NTSR1: variants seen among roughly 807,000 people sequenced by gnomAD.
NTSR1 encodes the protein neurotensin receptor type 1.
NTSR1 carries 29 observed loss-of-function variants against 31.2 expected under a neutral mutation model. The observed-to-expected ratio is 0.93, with a 90% CI of 0.69 to 1.27. The LOEUF (loss-of-function observed/expected upper bound fraction) is 1.27, where lower values mean the gene tolerates loss of function less well. NTSR1 is among the 50% of genes most tolerant of loss of function. The pLI is 0.00. For missense variants in NTSR1, 697 were observed against 595.4 expected, an observed-to-expected ratio of 1.17 and a Z score of -1.78; for synonymous variants, 282 against 269.9, an observed-to-expected ratio of 1.04 and a Z score of -0.44.
chr20:62,751,349 T>C (rs1431186248), intron 1 of NTSR1, among the ~76,000 whole-genome samples: 1 of 152,266 alleles, frequency 6.6e-6, no homozygotes, highest in East Asian at 1.9e-4. Context: ...AAGATCTCTA[T>C]GAGTTAGGGT....
chr20:62,754,500 A>G (rs997987754), intron 1 of NTSR1, among the ~76,000 whole-genome samples, 185 bp from the exon 2 acceptor site: 3 of 151,984 alleles, frequency 2.0e-5, no homozygotes, highest in Non-Finnish European at 2.9e-5. Flanking sequence ...GCCAGCTTAC[A>G]ACAGCAGCCA....
chr20:62,723,695 G>A (rs1405828919), intron 1 of NTSR1, among the ~76,000 whole-genome samples: 5 of 152,200 alleles, frequency 3.3e-5, no homozygotes, highest in African/African-American at 1.2e-4. Flanking sequence ...AGTGGGGACA[G>A]AGGTCTTTCC....
chr20:62,740,920 C>T (rs2147142601), intron 1 of NTSR1, among the ~76,000 whole-genome samples: 1 of 152,354 alleles, frequency 6.6e-6, no homozygotes, highest in East Asian at 1.9e-4. Flanking sequence ...GTGATTTACT[C>T]TTGAGAAGTG....
intron 1 of NTSR1, among the ~76,000 whole-genome samples, chr20:62,736,912 G>A (rs1383444920): frequency 6.6e-6 from 1 of 152,176 alleles, no homozygotes; most frequent in Non-Finnish European, 1.5e-5. Context: ...GAGATCTGAT[G>A]GTTTTAGAAG....
At position 62,760,425 on chromosome 20, in the gene NTSR1, CCA is replaced by C; in HGVS notation, c.*159_*160del. The C allele has an allele frequency of 5.8e-6, 4 of 693,554 alleles. No homozygotes were observed. Among genetic ancestry groups the C allele is most frequent in the South Asian group, 2.0e-5 (1 of 50,040 alleles). The allele number at this position is 693,554 out of a possible 1,614,324, so 43.0% of individuals were successfully genotyped here. A position where few individuals can be genotyped will look rare whatever the true frequency, so the allele number is the denominator to read the frequency against. ...GGACCCCCCCCTCCCACCCCCTAAC[CCA>C]TGTTTCTCATTAGTGTCTCCCGGGC... On this transcript the variant is annotated 3_prime_UTR_variant, in exon 4 of 4. Coordinates refer to ENST00000370501, the MANE Select transcript of NTSR1 (RefSeq NM_002531.3).
chr20:62,721,125 A>T (rs879782830), intron 1 of NTSR1, among the ~76,000 whole-genome samples: 1 of 152,208 alleles, frequency 6.6e-6, no homozygotes, highest in Non-Finnish European at 1.5e-5. Flanking sequence ...ATATTATTCT[A>T]TGAAGGTCAA....
chr20:62,730,443 C>T (rs983318553), intron 1 of NTSR1, among the ~76,000 whole-genome samples: 21 of 152,250 alleles, frequency 1.4e-4, no homozygotes, highest in African/African-American at 4.3e-4. Context: ...GTTCTTTTTA[C>T]GGCTGAATAA....
At chr20:62,725,686 A>G (rs1449237123) in intron 1 of NTSR1, among the ~76,000 whole-genome samples, 1 of 152,104 alleles carries the variant, frequency 6.6e-6, no homozygotes, top group Admixed American at 6.5e-5. Flanking sequence ...TGGCACAGGG[A>G]GGTTCAGGTG....
Position 62,711,232 on chromosome 20 carries a change from C to T in NTSR1, c.714+1311C>T, listed in dbSNP as rs1270392197. ...ACAGGTGTCCCATCTCGGGGAGGCC[C>T]CTCCCACAGACACTGGTGGCAGGCA... On this transcript the variant is annotated intron_variant, in intron 1 of 3. Coordinates refer to ENST00000370501, the MANE Select transcript of NTSR1 (RefSeq NM_002531.3). The surrounding 1 kb of genome is among the most constrained non-coding windows in gnomAD (Gnocchi z 6.4). Among the ~76,000 whole-genome samples the T allele has an allele frequency of 1.3e-5, 2 of 152,174 alleles. No homozygotes were observed. Among genetic ancestry groups the T allele is most frequent in the Non-Finnish European group, 2.9e-5 (2 of 68,016 alleles).
At chr20:62,731,330 C>T (rs575180952) in intron 1 of NTSR1, among the ~76,000 whole-genome samples, 7 of 152,250 alleles carry the variant, frequency 4.6e-5, no homozygotes, top group African/African-American at 1.2e-4. Flanking sequence ...GTGATCCACC[C>T]GCCTTGGCCT....
intron 1 of NTSR1, among the ~76,000 whole-genome samples, chr20:62,713,752 T>G (rs756717300): frequency 7.9e-5 from 12 of 152,318 alleles, no homozygotes; most frequent in Admixed American, 2.0e-4. Flanking sequence ...GGCAGCTGAG[T>G]GTCCTGGGCA....
intron 1 of NTSR1, among the ~76,000 whole-genome samples, chr20:62,735,748 G>T (rs538574306): frequency 6.6e-6 from 1 of 152,186 alleles, no homozygotes; most frequent in African/African-American, 2.4e-5. Context: ...TGAGGCTGGC[G>T]TGCAGGGAAG....
intron 1 of NTSR1, among the ~76,000 whole-genome samples, chr20:62,719,703 G>A (rs1394631007): frequency 1.3e-5 from 2 of 152,210 alleles, no homozygotes; most frequent in Non-Finnish European, 2.9e-5. Flanking sequence ...TGATGAACCA[G>A]CCTCACATTC....
chr20:62,741,422 C>T lies in NTSR1; in HGVS notation c.715-13263C>T, dbSNP rs1160715218. ...TCTTGCAGAGGTGACGGGTGACTCA[C>T]CAGCCCCGCTCAGAGGACGGGTCTG... is the stretch of plus-strand genomic sequence containing the variant. On this transcript the variant is annotated intron_variant, in intron 1 of 3. Transcript: ENST00000370501. This position sits in a 1 kb window ranked among gnomAD's most constrained non-coding sequence, Gnocchi z 4.3. 1.3e-5 allele frequency among the ~76,000 whole-genome samples: 2 copies of T among 149,696 alleles called. No individual in the cohort carries two copies. Among genetic ancestry groups the T allele is most frequent in the African/African-American group, 5.0e-5 (2 of 40,144 alleles).
chr20:62,759,774 C>CAAA (rs11403481), intron 3 of NTSR1, among the ~76,000 whole-genome samples: 3 of 131,226 alleles, frequency 2.3e-5, no homozygotes, highest in South Asian at 2.4e-4. Context: ...GACTCCGTCT[C>CAAA]AAAAAAAAAA....
At chr20:62,727,202 C>G (rs1988922877) in intron 1 of NTSR1, among the ~76,000 whole-genome samples, 1 of 152,220 alleles carries the variant, frequency 6.6e-6, no homozygotes, top group Non-Finnish European at 1.5e-5. Flanking sequence ...CCGCACTGCC[C>G]CCACCCTGAG....
In NTSR1 at chr20:62,709,525, C is replaced by T. The variant is rs768991905; in HGVS notation, c.318C>T (p.Gly106=). 1.1e-5 allele frequency: 18 copies of T among 1,612,240 alleles called. No individual in the cohort carries two copies. The highest frequency in any genetic ancestry group is 1.4e-5 in the Non-Finnish European group (17 of 1,179,874). ...SLQSTVHYHL[G]SLALSDLLTL... is the part of the protein sequence containing the mutation. ...AGAGCACGGTGCATTACCACCTGGGCAGCCTGGCGCTGTCCGACCTGCTCA... is the reference window on the plus strand; with the variant it reads ...AGAGCACGGTGCATTACCACCTGGGTAGCCTGGCGCTGTCCGACCTGCTCA... Residue 106 remains glycine, a synonymous_variant, in exon 1 of 4, where the codon GGC becomes GGT. Coordinates refer to ENST00000370501, the MANE Select transcript of NTSR1 (RefSeq NM_002531.3).
intron 1 of NTSR1, among the ~76,000 whole-genome samples, chr20:62,717,212 G>A (rs953167563): frequency 6.6e-6 from 1 of 152,240 alleles, no homozygotes; most frequent in Non-Finnish European, 1.5e-5. Flanking sequence ...CCTGGCACAG[G>A]TTGGAGAGGG....
Position 62,733,805 on chromosome 20 carries a change from C to T in NTSR1, c.715-20880C>T, listed in dbSNP as rs1374693408. Among the ~76,000 whole-genome samples the T allele has an allele frequency of 2.0e-5, 3 of 151,944 alleles. No homozygotes were observed. Among genetic ancestry groups the T allele is most frequent in the Non-Finnish European group, 2.9e-5 (2 of 67,964 alleles). On this transcript the variant is annotated intron_variant, in intron 1 of 3. Coordinates refer to ENST00000370501, the MANE Select transcript of NTSR1 (RefSeq NM_002531.3). This position sits in a 1 kb window ranked among gnomAD's most constrained non-coding sequence, Gnocchi z 5.2. ...GGAGGAGGGGGAGGGAGACAGCACC[C>T]TCTTCTCCCTACCCTTGCCTGGGGT...
Sources: allele counts gnomAD v4.1 joint callset (sites outside exome capture counted in the v4.1 genomes callset), GRCh38; gene constraint gnomAD v4.1.1; non-coding constraint Gnocchi (gnomAD v3.1); transcripts MANE v1.5; gene names NCBI Gene and HGNC (gene_info 2026-07-23, HGNC 2026-07-21).